Variants in APBA2 observed in about 807,000 individuals in gnomAD.
APBA2 encodes the protein amyloid beta precursor protein binding family A member 2.
Under a neutral mutation model 75.0 loss-of-function variants are expected in APBA2, and 30 were observed. The observed-to-expected ratio is 0.40, with a 90% CI of 0.30 to 0.54. The LOEUF (loss-of-function observed/expected upper bound fraction) is 0.54. Ranked by LOEUF, APBA2 falls within the 20% of genes least tolerant of loss-of-function variation. The pLI is 0.49. For synonymous variants in APBA2, 444 were observed against 409.6 expected, an observed-to-expected ratio of 1.08 and a Z score of -1.01; for missense variants, 801 against 1,016.1, an observed-to-expected ratio of 0.79 and a Z score of 2.88.
chr15:29,064,328 G>C (rs140311859), intron 4 of APBA2, among the ~76,000 whole-genome samples: 1 of 152,168 alleles, frequency 6.6e-6, no homozygotes, highest in South Asian at 2.1e-4. Context: ...GTGGGGGGCC[G>C]GCCCTCCCTG....
At chr15:29,031,352 G>A (rs1193893177) in intron 3 of APBA2, among the ~76,000 whole-genome samples, 1 of 152,192 alleles carries the variant, frequency 6.6e-6, no homozygotes, top group Non-Finnish European at 1.5e-5. Context: ...GGGAGTCCAA[G>A]ATCAAGGTGT....
chr15:28,926,910 G>T (rs144349499), intron 2 of APBA2, among the ~76,000 whole-genome samples: 2 of 145,954 alleles, frequency 1.4e-5, no homozygotes, highest in Non-Finnish European at 3.0e-5. Context: ...AGGCTGGAGT[G>T]CAGTGGTGCT....
At chr15:28,928,945 A>G (rs1040822842) in intron 2 of APBA2, among the ~76,000 whole-genome samples, 1 of 152,170 alleles carries the variant, frequency 6.6e-6, no homozygotes, top group African/African-American at 2.4e-5. Context: ...GCTCTGTTCC[A>G]GGTCAGTGGA....
At chr15:28,997,717 C>T (rs1424816470) in intron 3 of APBA2, among the ~76,000 whole-genome samples, 2 of 152,140 alleles carry the variant, frequency 1.3e-5, no homozygotes, top group Non-Finnish European at 2.9e-5. Flanking sequence ...TAGGGTGGTT[C>T]TATTTATGCC....
At chr15:28,908,312 C>CTTTTTTTTTTTTTTTTTTTT (rs2033239571) in intron 1 of APBA2, among the ~76,000 whole-genome samples, 10 of 142,572 alleles carry the variant, frequency 7.0e-5, no homozygotes, top group African/African-American at 2.4e-4. Context: ...GTTTTGTTTT[C>CTTTTTTTTTTTTTTTTTTTT]TTGTTTTTTT....
At position 28,905,881 on chromosome 15, in the gene APBA2, C is replaced by CTTA. The variant is rs543877329; in HGVS notation, c.-204-15758_-204-15757insTAT. Among the ~76,000 whole-genome samples the CTTA allele has an allele frequency of 1.6e-3, 246 of 152,190 alleles. 1 individual carries two copies. Among genetic ancestry groups the CTTA allele is most frequent in the Non-Finnish European group, 3.1e-3 (211 of 68,006 alleles). Reference sequence around the variant, plus strand: ...TTTCTGATTATGAAATTAAAATGTACTAATTATAAGGGCTCGAACTTTACA... The same window carrying CTTA: ...TTTCTGATTATGAAATTAAAATGTACTTATAATTATAAGGGCTCGAACTTTACA... On this transcript the variant is annotated intron_variant, in intron 1 of 14. Transcript: ENST00000683413.
At chr15:29,016,016 T>G (rs1358334557) in intron 3 of APBA2, among the ~76,000 whole-genome samples, 1 of 152,186 alleles carries the variant, frequency 6.6e-6, no homozygotes, top group Non-Finnish European at 1.5e-5. Flanking sequence ...CCCAGCACTT[T>G]GGGAGGCCAA....
intron 3 of APBA2, among the ~76,000 whole-genome samples, chr15:29,050,200 G>T (rs2041528315): frequency 6.6e-6 from 1 of 152,196 alleles, no homozygotes; most frequent in Admixed American, 6.5e-5. Flanking sequence ...ACATCTGCGA[G>T]ACTGTAAGCT....
chr15:29,061,072 G>A (rs532391142), intron 4 of APBA2, among the ~76,000 whole-genome samples: 15 of 152,260 alleles, frequency 9.9e-5, no homozygotes, highest in African/African-American at 3.1e-4. Flanking sequence ...ACACTCCTGG[G>A]GGGCACCATA....
At chr15:29,039,176 A>G (rs2040907446) in intron 3 of APBA2, among the ~76,000 whole-genome samples, 1 of 137,952 alleles carries the variant, frequency 7.2e-6, no homozygotes, top group Non-Finnish European at 1.5e-5. Context: ...GCTGCTGAGG[A>G]GTTGCATTGC....
intron 2 of APBA2, among the ~76,000 whole-genome samples, chr15:28,975,556 T>C (rs1283884357): frequency 6.6e-6 from 1 of 152,028 alleles, no homozygotes; most frequent in East Asian, 1.9e-4. Context: ...CAAGAAAACA[T>C]GGGTAAATTT....
chr15:28,928,833 C>G (rs778544094), intron 2 of APBA2, among the ~76,000 whole-genome samples: 1 of 152,122 alleles, frequency 6.6e-6, no homozygotes, highest in South Asian at 2.1e-4. Context: ...TTTGGGCCCC[C>G]CTAAGACTGT....
intron 2 of APBA2, among the ~76,000 whole-genome samples, chr15:28,964,581 A>G (rs34971199): frequency 0.28 from 42,546 of 150,392 alleles, 9,353 homozygotes; most frequent in East Asian, 0.78. Flanking sequence ...TCCGCCTCCT[A>G]GATTCAAGTG....
At chr15:28,971,693 AG>A (rs753331455) in intron 2 of APBA2, among the ~76,000 whole-genome samples, 1 of 152,172 alleles carries the variant, frequency 6.6e-6, no homozygotes, top group Non-Finnish European at 1.5e-5. Context: ...GGGGAGGAGG[AG>A]GTGGAAGAAG....
At chr15:29,067,034 G>T (rs988113763) in intron 4 of APBA2, among the ~76,000 whole-genome samples, 5 of 152,172 alleles carry the variant, frequency 3.3e-5, no homozygotes, top group African/African-American at 1.2e-4. Context: ...TTCACATGGT[G>T]AGAATGGGAG....
At chr15:29,062,891 C>T (rs948370861) in intron 4 of APBA2, among the ~76,000 whole-genome samples, 2 of 151,516 alleles carry the variant, frequency 1.3e-5, no homozygotes, top group African/African-American at 2.4e-5. Context: ...CCCCCCATCT[C>T]GTGGGGCTGT....
At position 28,991,767 on chromosome 15, in the gene APBA2, G is replaced by T. The variant is rs1208219755; in HGVS notation, c.-94-3986G>T. Among the ~76,000 whole-genome samples, 2 of 152,058 alleles carry T rather than the reference G, an allele frequency of 1.3e-5. No homozygotes were observed. The highest frequency in any genetic ancestry group is 2.9e-5 in the Non-Finnish European group (2 of 68,024). On this transcript the variant is annotated intron_variant, in intron 2 of 14. Transcript: ENST00000683413. The surrounding 1 kb of genome is among the most constrained non-coding windows in gnomAD (Gnocchi z 4.7). Reference sequence around the variant, plus strand: ...ACAGACCCCTTCCAACCCATCCCAGGGCCTCTGCTCAGTGTGGCCAGAGCC... The same window carrying T: ...ACAGACCCCTTCCAACCCATCCCAGTGCCTCTGCTCAGTGTGGCCAGAGCC...
intron 14 of APBA2, among the ~76,000 whole-genome samples, chr15:29,116,807 G>C (rs1405467119): frequency 1.3e-5 from 2 of 152,142 alleles, no homozygotes; most frequent in Admixed American, 6.5e-5. Flanking sequence ...GTGTCAGCTG[G>C]ACTGGAAGCA....
chr15:29,015,701 T>C (rs1490080), intron 3 of APBA2, among the ~76,000 whole-genome samples: 49,025 of 152,214 alleles, frequency 0.32, 12,892 homozygotes, highest in African/African-American at 0.69. Context: ...GAAAATCCAC[T>C]CACTGTTTGG....
Sources: gnomAD v4.1 joint callset for allele counts (sites outside exome capture counted in the v4.1 genomes callset) on GRCh38, gnomAD v4.1.1 for gene constraint, Gnocchi (gnomAD v3.1) non-coding constraint, MANE v1.5 for transcripts, NCBI Gene and HGNC (gene_info 2026-07-23, HGNC 2026-07-21) for gene names.